The following C10orf90 variants were observed in gnomAD, a reference collection of about 807,000 sequenced individuals.
C10orf90 encodes chromosome 10 open reading frame 90, also known as (E2-independent) E3 ubiquitin-conjugating enzyme FATS.
Under a neutral mutation model 62.5 loss-of-function variants are expected in C10orf90, and 56 were observed. That is an observed-to-expected ratio of 0.90 (90% CI 0.72 to 1.12). The LOEUF is 1.12. Ranked by LOEUF, C10orf90 falls within the 50% of genes most tolerant of loss-of-function variation. The probability of loss-of-function intolerance (pLI) is 0.00; values close to 1 mark genes in which losing one functional copy is unlikely to be tolerated. For missense variants in C10orf90, 970 were observed against 880.4 expected (o/e 1.10, Z -1.29); for synonymous variants, 386 against 340.4 (o/e 1.13, Z -1.47).
At chr10:126,474,136 G>A (rs1207839529) in intron 4 of C10orf90, among the ~76,000 whole-genome samples, 1 of 152,134 alleles carries the variant, frequency 6.6e-6, no homozygotes, top group Non-Finnish European at 1.5e-5. Flanking sequence ...TTCCCAAGTG[G>A]TTCACATGCA....
Position 126,648,315 on chromosome 10 carries a change from G to C in C10orf90, c.241-1678C>G, listed in dbSNP as rs180943197. On this transcript the variant is annotated intron_variant, in intron 1 of 9. Transcript: ENST00000488181. ...TTGAGGATTTCAAAATGCACAGGAAGGGAGGGAGGGAGGAAGAAGCAAGAA... is the reference window on the plus strand; with the variant it reads ...TTGAGGATTTCAAAATGCACAGGAACGGAGGGAGGGAGGAAGAAGCAAGAA... Among the ~76,000 whole-genome samples, 3 of 152,260 alleles carry C rather than the reference G, an allele frequency of 2.0e-5. No individual in the cohort carries two copies. The East Asian group carries it at 5.8e-4, about 29-fold the overall frequency.
At chr10:126,658,437 T>C (rs926594614) in intron 1 of C10orf90, among the ~76,000 whole-genome samples, 1 of 152,238 alleles carries the variant, frequency 6.6e-6, no homozygotes, top group Non-Finnish European at 1.5e-5. Flanking sequence ...GTTGAGTTGT[T>C]GTTTGCAGCA....
At chr10:126,428,768 C>T (rs1165936523) in intron 8 of C10orf90, among the ~76,000 whole-genome samples, 2 of 152,164 alleles carry the variant, frequency 1.3e-5, no homozygotes, top group African/African-American at 4.8e-5. Flanking sequence ...ATGGTTCTGG[C>T]ATGAGGTATA....
intron 2 of C10orf90, among the ~76,000 whole-genome samples, chr10:126,569,350 C>T (rs934376393): frequency 6.6e-6 from 1 of 152,136 alleles, no homozygotes; most frequent in Non-Finnish European, 1.5e-5. Flanking sequence ...CAGATCCTTA[C>T]AATAAACTGT....
At chr10:126,559,480 T>C (rs758190401) in intron 2 of C10orf90, among the ~76,000 whole-genome samples, 2 of 152,074 alleles carry the variant, frequency 1.3e-5, no homozygotes, top group Non-Finnish European at 2.9e-5. Flanking sequence ...TCTCTTACAG[T>C]GATATTCAGA....
intron 3 of C10orf90, among the ~76,000 whole-genome samples, chr10:126,508,090 G>C (rs938991119): frequency 6.6e-6 from 1 of 151,286 alleles, no homozygotes; most frequent in African/African-American, 2.4e-5. Context: ...TTATTTTATA[G>C]GGCAATGTTT....
At chr10:126,459,351 C>A in intron 6 of C10orf90, 134 bp from the exon 7 acceptor site, 1 of 955,198 alleles carries the variant, frequency 1.0e-6, no homozygotes, top group South Asian at 1.4e-5. Context: ...AAAAGTACGT[C>A]ACGCTTTTCT....
At chr10:126,633,888 G>C (rs1188772045) in intron 2 of C10orf90, among the ~76,000 whole-genome samples, 1 of 152,200 alleles carries the variant, frequency 6.6e-6, no homozygotes, top group Non-Finnish European at 1.5e-5. Context: ...ATTAGAATTA[G>C]TCATTACTCA....
chr10:126,650,016 G>A (rs904045140), intron 1 of C10orf90, among the ~76,000 whole-genome samples: 1 of 152,066 alleles, frequency 6.6e-6, no homozygotes, highest in Non-Finnish European at 1.5e-5. Flanking sequence ...GAGGGGAGAG[G>A]GAGGGAAAGG....
chr10:126,455,147 C>T (rs1364099412), intron 7 of C10orf90, among the ~76,000 whole-genome samples: 1 of 152,162 alleles, frequency 6.6e-6, no homozygotes, highest in Non-Finnish European at 1.5e-5. Context: ...TACCAGCTCC[C>T]AGCCTTGCTT....
At chr10:126,488,544 A>G (rs1861556345) in intron 4 of C10orf90, among the ~76,000 whole-genome samples, 1 of 151,936 alleles carries the variant, frequency 6.6e-6, no homozygotes, top group African/African-American at 2.4e-5. Flanking sequence ...TTGACAAACA[A>G]TAGAGAAAAT....
chr10:126,426,598 C>A (rs1366688127), intron 8 of C10orf90, among the ~76,000 whole-genome samples: 1 of 151,998 alleles, frequency 6.6e-6, no homozygotes, highest in Non-Finnish European at 1.5e-5. Flanking sequence ...GTGTTTTTAC[C>A]TCTCAACCTA....
chr10:126,507,745 A>G (rs1380281546), intron 3 of C10orf90, among the ~76,000 whole-genome samples: 1 of 152,092 alleles, frequency 6.6e-6, no homozygotes, highest in Non-Finnish European at 1.5e-5. Flanking sequence ...GAAAAATTAC[A>G]TTAGAATTCC....
chr10:126,449,984 C>T lies in C10orf90; in HGVS notation c.2188+9056G>A, dbSNP rs374471026. 8.4e-3 allele frequency among the ~76,000 whole-genome samples: 1,105 copies of T among 131,166 alleles called. 13 individuals are homozygous for T. Among genetic ancestry groups the T allele is most frequent in the African/African-American group, 0.03 (1,019 of 34,392 alleles). 86.0% of individuals were successfully genotyped at this position (131,166 alleles called of 152,430 possible). A position where few individuals can be genotyped will look rare whatever the true frequency, so the allele number is the denominator to read the frequency against. On this transcript the variant is annotated intron_variant, in intron 7 of 9. Coordinates refer to ENST00000488181, the MANE Select transcript of C10orf90 (RefSeq NM_001350921.2). Reference sequence around the variant, plus strand: ...TGCACTCCAGCCTGGGTGACAGAGACGCCATCTCAAAAAAAAAAAAAAAAA... The same window carrying T: ...TGCACTCCAGCCTGGGTGACAGAGATGCCATCTCAAAAAAAAAAAAAAAAA...
At chr10:126,461,786 C>T (rs575379123) in intron 5 of C10orf90, among the ~76,000 whole-genome samples, 20 of 152,236 alleles carry the variant, frequency 1.3e-4, no homozygotes, top group Admixed American at 6.5e-5. Context: ...TTGCATTCAG[C>T]CAGACTTCAG....
intron 2 of C10orf90, among the ~76,000 whole-genome samples, chr10:126,615,198 C>G (rs1249940194): frequency 6.6e-6 from 1 of 152,174 alleles, no homozygotes; most frequent in Non-Finnish European, 1.5e-5. Context: ...TGCCTGCATC[C>G]TATTTGTTAA....
chr10:126,607,226 T>C (rs1845331759), intron 2 of C10orf90, among the ~76,000 whole-genome samples: 1 of 152,160 alleles, frequency 6.6e-6, no homozygotes, highest in South Asian at 2.1e-4. Context: ...GGAAAAGTGT[T>C]TTATTATATA....
rs1215727661 is a variant in C10orf90 at position 126,504,383 on chromosome 10, C to T, written c.1108G>A (p.Val370Ile). Residue 370 changes from valine (V) to isoleucine (I), a missense_variant, in exon 4 of 10, where the codon GTC (valine) becomes ATC (isoleucine). Transcript: ENST00000488181. This position sits in a 1 kb window ranked among gnomAD's most constrained non-coding sequence, Gnocchi z 4.1. Reference protein sequence around the residue: ...SIYYVDKSLSVPIEPPQIASP... With the variant: ...SIYYVDKSLSIPIEPPQIASP... ...GCAATTTGAGGTGGCTCAATGGGGA[C>T]GGAGAGAGACTTGTCTACGTAATAG... is the stretch of plus-strand genomic sequence containing the variant. 4 of 1,614,046 alleles carry T rather than the reference C, an allele frequency of 2.5e-6. No individual in the cohort carries two copies. The highest frequency in any genetic ancestry group is 3.3e-5 in the Admixed American group (2 of 60,008).
chr10:126,557,596 A>G (rs562682046), intron 2 of C10orf90, among the ~76,000 whole-genome samples: 3 of 151,996 alleles, frequency 2.0e-5, no homozygotes, highest in African/African-American at 7.2e-5. Flanking sequence ...ACTTTGATAC[A>G]CATATACCAT....
Sources: allele counts gnomAD v4.1 joint callset (sites outside exome capture counted in the v4.1 genomes callset), GRCh38; gene constraint gnomAD v4.1.1; non-coding constraint Gnocchi (gnomAD v3.1); transcripts MANE v1.5; gene names NCBI Gene and HGNC (gene_info 2026-07-23, HGNC 2026-07-21).